DCDC2B: variants seen among roughly 807,000 people sequenced by gnomAD.
DCDC2B encodes doublecortin domain containing 2B.
Under a neutral mutation model 38.9 loss-of-function variants are expected in DCDC2B, and 41 were observed. The ratio of observed to expected loss-of-function variants is 1.05; its 90% CI spans 0.82 to 1.37. DCDC2B has a LOEUF of 1.37. Ranked by LOEUF, DCDC2B falls within the 40% of genes most tolerant of loss-of-function variation. The probability of loss-of-function intolerance (pLI) is 0.00; values close to 1 mark genes in which losing one functional copy is unlikely to be tolerated. For missense variants in DCDC2B, 453 were observed against 427.2 expected (o/e 1.06, Z -0.53); for synonymous variants, 181 against 171.9 (o/e 1.05, Z -0.41).
At chr1:32,213,595 G>A (rs1306451674) in intron 6 of DCDC2B, among the ~76,000 whole-genome samples, 1 of 141,982 alleles carries the variant, frequency 7.0e-6, no homozygotes, top group African/African-American at 2.7e-5. Context: ...TGCCAGCTCC[G>A]CCTCCCGGGT....
chr1:32,211,661 CCCAG>C, intron 2 of DCDC2B, 96 bp from the exon 3 acceptor site: 3 of 1,228,276 alleles, frequency 2.4e-6, no homozygotes, highest in Non-Finnish European at 3.5e-6. Flanking sequence ...CCCTTCCTGC[CCCAG>C]TCTGGTTCCG....
intron 7 of DCDC2B, 133 bp downstream of exon 7, chr1:32,215,065 A>AG (rs957718354): frequency 4.0e-5 from 54 of 1,341,226 alleles, no homozygotes; most frequent in Non-Finnish European, 5.1e-5. Flanking sequence ...AAAAAAAAAA[A>AG]AAGATAAAGG....
intron 6 of DCDC2B, 31 bp downstream of exon 6, chr1:32,212,824 G>T: frequency 6.2e-7 from 1 of 1,611,206 alleles, no homozygotes; most frequent in Non-Finnish European, 8.5e-7. Flanking sequence ...TGAGGGGTGG[G>T]AAGAAGGGGA....
In DCDC2B at chr1:32,216,014, G is replaced by T; in HGVS notation, c.*117G>T. ...CTCCGCTGGGCTCACAGGGTACACT[G>T]CGGCCTCCTCAGCCCTCCCCGTTCT... On this transcript the variant is annotated 3_prime_UTR_variant, in exon 9 of 9. Coordinates refer to ENST00000409358, the MANE Select transcript of DCDC2B (RefSeq NM_001099434.2). 1.1e-6 allele frequency: 1 copy of T among 898,614 alleles called. No individual in the cohort carries two copies. The highest frequency in any genetic ancestry group is 1.7e-6 in the Non-Finnish European group (1 of 573,628). The allele number at this position is 898,614 out of a possible 1,614,324, so 55.7% of individuals were successfully genotyped here. A position where few individuals can be genotyped will look rare whatever the true frequency, so the allele number is the denominator to read the frequency against.
At chr1:32,214,650 G>A (rs1638241382) in intron 6 of DCDC2B, 147 bp from the exon 7 acceptor site, 1 of 1,165,244 alleles carries the variant, frequency 8.6e-7, no homozygotes, top group South Asian at 1.6e-5. Flanking sequence ...GAGGCAGCAA[G>A]GAGGGAGGAC....
At chr1:32,215,616 C>T (rs969732654) in intron 8 of DCDC2B, 73 bp downstream of exon 8, 8 of 1,413,774 alleles carry the variant, frequency 5.7e-6, no homozygotes, top group African/African-American at 4.3e-5. Context: ...AGCCTTGGGC[C>T]CCAGGAACAG....
chr1:32,212,692 G>T (rs557110621), intron 5 of DCDC2B, 56 bp downstream of exon 5: 1 of 1,612,798 alleles, frequency 6.2e-7, no homozygotes, highest in South Asian at 1.1e-5. Flanking sequence ...CCACCCTCTG[G>T]GTCTGTGTGC....
At chr1:32,212,313 AC>A in intron 4 of DCDC2B, 112 bp downstream of exon 4, 3 of 1,549,918 alleles carry the variant, frequency 1.9e-6, no homozygotes, top group South Asian at 2.4e-5. Flanking sequence ...CCCACATGGG[AC>A]TTCCCCCTAT....
chr1:32,212,658 C>G, intron 5 of DCDC2B, 22 bp downstream of exon 5: 1 of 1,613,190 alleles, frequency 6.2e-7, no homozygotes, highest in Non-Finnish European at 8.5e-7. Flanking sequence ...GGAGGTGGAG[C>G]GGTAACAGGC....
rs747383037 is a variant in DCDC2B at position 32,211,856 on chromosome 1, G to A, written c.395+19G>A. On this transcript the variant is annotated intron_variant, in intron 3 of 8. Transcript: ENST00000409358. ...ATATCCAGTGAGTGCCAGTGTGAGG[G>A]AGCAGGGGTGTTGATGTTTGTTTTA... 3.1e-6 allele frequency: 5 copies of A among 1,597,274 alleles called. No individual in the cohort carries two copies.
chr1:32,211,376 G>C, intron 2 of DCDC2B, 53 bp downstream of exon 2: 1 of 1,597,594 alleles, frequency 6.3e-7, no homozygotes, highest in African/African-American at 1.3e-5. Context: ...ACTCCTCCTG[G>C]AACTGCCCCC....
intron 6 of DCDC2B, among the ~76,000 whole-genome samples, chr1:32,213,043 C>T (rs1643654335): frequency 6.6e-6 from 1 of 151,186 alleles, no homozygotes; most frequent in South Asian, 2.1e-4. Context: ...ATTATGGGCA[C>T]GCTCCACCAT....
chr1:32,209,645 G>A (rs1004673296), intron 1 of DCDC2B, among the ~76,000 whole-genome samples: 2 of 152,094 alleles, frequency 1.3e-5, no homozygotes, highest in East Asian at 1.9e-4. Context: ...CACAGGGTGA[G>A]CCCCTTTTTC....
chr1:32,212,236 C>A, intron 4 of DCDC2B, 35 bp downstream of exon 4: 1 of 1,601,548 alleles, frequency 6.2e-7, no homozygotes, highest in South Asian at 1.1e-5. Context: ...CAAAAGTCCC[C>A]AAAGAGAGCC....
intron 7 of DCDC2B, 93 bp downstream of exon 7, chr1:32,215,025 A>G (rs1393183530): frequency 1.3e-6 from 2 of 1,506,472 alleles, no homozygotes; most frequent in East Asian, 4.6e-5. Context: ...CCATGGGAGC[A>G]GAATGCTCAG....
At chr1:32,215,052 G>GAA in intron 7 of DCDC2B, 120 bp downstream of exon 7, 2 of 1,252,216 alleles carry the variant, frequency 1.6e-6, no homozygotes, top group South Asian at 1.9e-5. Context: ...AGCCGGCACT[G>GAA]GAAAAAAAAA....
rs1447822544 is a variant in DCDC2B, at chr1:32,212,086, G to A, written c.412G>A (p.Asp138Asn). The change falls in exon 4 of 9, where the codon GAC becomes AAC. Residue 138 changes from aspartate to asparagine, a missense_variant. By Grantham distance (23) the Asp-to-Asn change is conservative. Transcript: ENST00000409358. ...PSYIHVFRNG[D>N]LVSPPFSLKL... ...TTGTCTCAGTGTGTTCAGGAATGGG[G>A]ACCTGGTAAGTCCCCCATTTAGTCT... 4 of 1,613,446 alleles carry A rather than the reference G, an allele frequency of 2.5e-6. No individual in the cohort carries two copies. Among genetic ancestry groups the A allele is most frequent in the Admixed American group, 1.7e-5 (1 of 60,016 alleles).
chr1:32,215,109 G>T, intron 7 of DCDC2B, 177 bp downstream of exon 7: 1 of 845,354 alleles, frequency 1.2e-6, no homozygotes, highest in Non-Finnish European at 1.7e-6. Flanking sequence ...GAGACTGCCC[G>T]TAAAAAAAAA....
chr1:32,214,972 T>C lies in DCDC2B; in HGVS notation c.850+40T>C, dbSNP rs779192847. 8.1e-6 allele frequency: 13 copies of C among 1,611,934 alleles called. No homozygotes were observed. In the Admixed American group the frequency reaches 1.8e-4, roughly 23 times the overall value. On this transcript the variant is annotated intron_variant, in intron 7 of 8. Transcript: ENST00000409358. ...GGGCTCAGGCCCTTCTCAGCTGCCC[T>C]TTGACAGTGACATAGGTTGGTCCCT...
Sources: allele counts gnomAD v4.1 joint callset (sites outside exome capture counted in the v4.1 genomes callset), GRCh38; gene constraint gnomAD v4.1.1; transcripts MANE v1.5; gene names NCBI Gene and HGNC (gene_info 2026-07-23, HGNC 2026-07-21).